Variants in ZNF804A observed in about 807,000 individuals in gnomAD.
The protein encoded by ZNF804A is zinc finger protein 804A.
Under a neutral mutation model 16.5 loss-of-function variants are expected in ZNF804A, and 2 were observed. That is an observed-to-expected ratio of 0.12 (90% CI 0.05 to 0.38). ZNF804A has a LOEUF of 0.38. ZNF804A is among the 10% of genes least tolerant of loss of function. The pLI is 0.99. For synonymous variants in ZNF804A, 534 were observed against 489.6 expected, an observed-to-expected ratio of 1.09 and a Z score of -1.20; for missense variants, 1,473 against 1,390.7, an observed-to-expected ratio of 1.06 and a Z score of -0.94.
At chr2:184,927,046 G>A (rs1220398830) in intron 2 of ZNF804A, among the ~76,000 whole-genome samples, 5 of 152,112 alleles carry the variant, frequency 3.3e-5, no homozygotes, top group Non-Finnish European at 7.4e-5. Context: ...TGTTTTCCTG[G>A]TTGGTCTTAA....
intron 1 of ZNF804A, among the ~76,000 whole-genome samples, chr2:184,688,158 A>T (rs966170963): frequency 3.9e-5 from 6 of 152,094 alleles, no homozygotes; most frequent in African/African-American, 1.2e-4. Context: ...TTTTATAAAC[A>T]TATAATAAAT....
intron 1 of ZNF804A, among the ~76,000 whole-genome samples, chr2:184,644,638 T>C (rs941649508): frequency 3.3e-5 from 5 of 151,906 alleles, no homozygotes; most frequent in Non-Finnish European, 7.4e-5. Flanking sequence ...AGAACTTCTT[T>C]GTTCGTTCTT....
chr2:184,801,422 T>C (rs764301598), intron 1 of ZNF804A, among the ~76,000 whole-genome samples: 5 of 152,236 alleles, frequency 3.3e-5, no homozygotes, highest in Non-Finnish European at 7.4e-5. Flanking sequence ...GGATTTCCAA[T>C]TAACATAAGT....
chr2:184,696,040 A>G (rs1364350807), intron 1 of ZNF804A, among the ~76,000 whole-genome samples: 2 of 152,280 alleles, frequency 1.3e-5, no homozygotes, highest in South Asian at 4.1e-4. Context: ...GCGTTGTTAT[A>G]TTATTGCTGA....
In ZNF804A at chr2:184,724,736, T is replaced by C. The variant is rs377616129; in HGVS notation, c.111+125666T>C. ...CTACAAAGAAGGGCATGTAAATAAG[T>C]GAATTACAAGGCAATTAAAGCAGCA... On this transcript the variant is annotated intron_variant, in intron 1 of 3. Coordinates refer to ENST00000302277, the MANE Select transcript of ZNF804A (RefSeq NM_194250.2). Among the ~76,000 whole-genome samples the C allele has an allele frequency of 1.3e-4, 20 of 151,746 alleles. No individual in the cohort carries two copies. In the East Asian group the frequency reaches 1.5e-3, roughly 12 times the overall value.
chr2:184,672,670 CTT>C (rs568933187), intron 1 of ZNF804A, among the ~76,000 whole-genome samples: 1 of 146,804 alleles, frequency 6.8e-6, no homozygotes, highest in Admixed American at 6.8e-5. Context: ...ACAAGAATGA[CTT>C]TTTTTTTTTA....
intron 1 of ZNF804A, among the ~76,000 whole-genome samples, chr2:184,678,734 G>C (rs953989236): frequency 1.3e-5 from 2 of 152,102 alleles, no homozygotes; most frequent in African/African-American, 2.4e-5. Context: ...GAAAAACAAT[G>C]AACACAATAT....
chr2:184,696,210 A>T (rs1692829113), intron 1 of ZNF804A, among the ~76,000 whole-genome samples: 1 of 152,180 alleles, frequency 6.6e-6, no homozygotes, highest in African/African-American at 2.4e-5. Context: ...AGGTGAGAGA[A>T]TACTTTCAAC....
At chr2:184,671,164 C>A (rs1692334109) in intron 1 of ZNF804A, among the ~76,000 whole-genome samples, 1 of 152,120 alleles carries the variant, frequency 6.6e-6, no homozygotes. Flanking sequence ...ACAAGGTGTG[C>A]CACCTAAAGT....
At position 184,793,474 on chromosome 2, in the gene ZNF804A, G is replaced by A. The variant is rs2105779597; in HGVS notation, c.112-72895G>A. Among the ~76,000 whole-genome samples the A allele has an allele frequency of 1.3e-5, 2 of 152,220 alleles. 1 individual carries two copies. The highest frequency in any genetic ancestry group is 1.3e-4 in the Admixed American group (2 of 15,276). ...GTTAATGATAGCCACTCTGACTGGT[G>A]TGAGATGGTATCTCATTGTGGTTTT... On this transcript the variant is annotated intron_variant, in intron 1 of 3. Transcript: ENST00000302277.
chr2:184,876,948 A>T (rs181601031), intron 2 of ZNF804A, among the ~76,000 whole-genome samples: 1 of 152,326 alleles, frequency 6.6e-6, no homozygotes, highest in East Asian at 1.9e-4. Context: ...TATAAATTCA[A>T]CTTAGCACTG....
intron 1 of ZNF804A, among the ~76,000 whole-genome samples, chr2:184,805,874 T>C (rs1460638831): frequency 6.6e-6 from 1 of 151,988 alleles, no homozygotes; most frequent in Non-Finnish European, 1.5e-5. Flanking sequence ...AAGTCTGTTA[T>C]AAGAAATTAT....
At chr2:184,824,279 T>TA (rs1695127836) in intron 1 of ZNF804A, among the ~76,000 whole-genome samples, 1 of 152,082 alleles carries the variant, frequency 6.6e-6, no homozygotes, top group East Asian at 2.0e-4. Flanking sequence ...ACAATATATA[T>TA]TTTTTAAATA....
chr2:184,832,537 C>A (rs1035773043), intron 1 of ZNF804A, among the ~76,000 whole-genome samples: 2 of 152,036 alleles, frequency 1.3e-5, no homozygotes, highest in South Asian at 4.1e-4. Flanking sequence ...GTCCAGTTAT[C>A]TTCTTTCATA....
intron 1 of ZNF804A, among the ~76,000 whole-genome samples, chr2:184,819,417 G>T (rs1192638935): frequency 6.6e-6 from 1 of 151,986 alleles, no homozygotes; most frequent in East Asian, 1.9e-4. Flanking sequence ...CACAGCTAAA[G>T]TAGTGTTAAG....
chr2:184,918,581 G>C (rs995104501), intron 2 of ZNF804A, among the ~76,000 whole-genome samples: 4 of 152,144 alleles, frequency 2.6e-5, no homozygotes, highest in Admixed American at 6.5e-5. Flanking sequence ...CCTGGCTGGA[G>C]TTGAAACTGA....
intron 1 of ZNF804A, among the ~76,000 whole-genome samples, chr2:184,854,586 T>A (rs1225240077): frequency 1.3e-5 from 2 of 152,050 alleles, no homozygotes; most frequent in Non-Finnish European, 2.9e-5. Flanking sequence ...GCATTCATGT[T>A]CATCTGTAGC....
chr2:184,792,993 T>C (rs1051625238), intron 1 of ZNF804A, among the ~76,000 whole-genome samples: 1 of 152,160 alleles, frequency 6.6e-6, no homozygotes, highest in Non-Finnish European at 1.5e-5. Context: ...GTGCTTGTTG[T>C]TTATCCCATG....
At chr2:184,701,404 C>T (rs1300639527) in intron 1 of ZNF804A, among the ~76,000 whole-genome samples, 14 of 151,854 alleles carry the variant, frequency 9.2e-5, no homozygotes, top group South Asian at 4.1e-4. Context: ...AGTAATAAAA[C>T]GTTTCCAAAA....
Sources: allele counts gnomAD v4.1 joint callset (sites outside exome capture counted in the v4.1 genomes callset), GRCh38; gene constraint gnomAD v4.1.1; transcripts MANE v1.5; gene names NCBI Gene and HGNC (gene_info 2026-07-23, HGNC 2026-07-21).